The following TAFA5 variants were observed in gnomAD, a reference collection of about 807,000 sequenced individuals.
TAFA5 encodes the protein TAFA chemokine like family member 5.
TAFA5 carries 6 observed loss-of-function variants against 15.3 expected under a neutral mutation model. The ratio of observed to expected loss-of-function variants is 0.39; its 90% CI spans 0.21 to 0.77. TAFA5 has a LOEUF of 0.77. Among genes scored for constraint, TAFA5 ranks in the 30% least tolerant of loss-of-function variants. The probability of loss-of-function intolerance (pLI) is 0.41; values close to 1 mark genes in which losing one functional copy is unlikely to be tolerated. For synonymous variants in TAFA5, 103 were observed against 80.7 expected, an observed-to-expected ratio of 1.28 and a Z score of -1.48; for missense variants, 161 against 193.1, an observed-to-expected ratio of 0.83 and a Z score of 0.98.
intron 2 of TAFA5, among the ~76,000 whole-genome samples, chr22:48,666,548 C>T (rs1462371099): frequency 6.6e-6 from 1 of 152,200 alleles, no homozygotes; most frequent in African/African-American, 2.4e-5. Context: ...TACTGAGACC[C>T]GTGACCAGTC....
chr22:48,512,943 A>AAG (rs72317049), intron 1 of TAFA5, among the ~76,000 whole-genome samples: 1,857 of 115,764 alleles, frequency 0.016, 58 homozygotes, highest in Middle Eastern at 0.043. Context: ...AAAAAAAAAA[A>AAG]AGAGAGAGAG....
intron 1 of TAFA5, chr22:48,576,456 G>C: frequency 7.2e-7 from 1 of 1,392,766 alleles, no homozygotes; most frequent in East Asian, 3.0e-5. Flanking sequence ...GACTTCGGGG[G>C]CGTCGGCCGA....
At chr22:48,737,895 T>A (rs563297616) in intron 3 of TAFA5, among the ~76,000 whole-genome samples, 30 of 152,028 alleles carry the variant, frequency 2.0e-4, no homozygotes, top group Non-Finnish European at 2.8e-4. Flanking sequence ...GAGCGTGAGA[T>A]GCTGAGTGAT....
intron 2 of TAFA5, among the ~76,000 whole-genome samples, chr22:48,697,917 G>T (rs1928769663): frequency 1.9e-5 from 2 of 106,420 alleles, no homozygotes; most frequent in Admixed American, 1.7e-4. Context: ...ACAATATGAT[G>T]ATGGTGGTGG....
intron 1 of TAFA5, among the ~76,000 whole-genome samples, chr22:48,632,955 C>A (rs748674014): frequency 1.6e-4 from 25 of 152,328 alleles, no homozygotes; most frequent in Admixed American, 4.6e-4. Context: ...CGGCTGCAGG[C>A]GTGCACTTCC....
At chr22:48,611,437 G>A (rs146410879) in intron 1 of TAFA5, among the ~76,000 whole-genome samples, 1 of 152,354 alleles carries the variant, frequency 6.6e-6, no homozygotes, top group Non-Finnish European at 1.5e-5. Context: ...TGGGGCAGCA[G>A]ACACAGCCAC....
rs566415054 is a variant in TAFA5 at position 48,608,298 on chromosome 22, C to T, written c.113-38299C>T. 2.6e-5 allele frequency among the ~76,000 whole-genome samples: 4 copies of T among 152,356 alleles called. No homozygotes were observed. In the East Asian group the frequency reaches 5.8e-4, roughly 22 times the overall value. On this transcript the variant is annotated intron_variant, in intron 1 of 3. Coordinates refer to ENST00000402357, the MANE Select transcript of TAFA5 (RefSeq NM_001082967.3). ...CTCCTGTTTTCTCGCTATCCAGCAC[C>T]GTAGCCATCAGCCATATTCACGATA...
chr22:48,578,548 T>C lies in TAFA5; in HGVS notation c.113-68049T>C, dbSNP rs185890106. On this transcript the variant is annotated intron_variant, in intron 1 of 3. Transcript: ENST00000402357. The stretch of plus-strand genomic sequence containing the variant: ...TTACCTTGAAGCAGACACACGTGTG[T>C]CGGTGTTGTGGAAGACGGCGCAGTC... Among the ~76,000 whole-genome samples, 71 of 152,272 alleles carry C rather than the reference T, an allele frequency of 4.7e-4. 2 individuals carry two copies. In the East Asian group the frequency reaches 0.014, roughly 29 times the overall value.
intron 1 of TAFA5, among the ~76,000 whole-genome samples, chr22:48,588,065 A>G (rs930892027): frequency 1.3e-5 from 2 of 152,140 alleles, no homozygotes; most frequent in African/African-American, 4.8e-5. Context: ...ATCTGTGCAT[A>G]ATGGGGGCTC....
At position 48,688,584 on chromosome 22, in the gene TAFA5, G is replaced by A. The variant is rs190643391; in HGVS notation, c.263-19133G>A. 3.1e-3 allele frequency among the ~76,000 whole-genome samples: 468 copies of A among 152,290 alleles called. 2 individuals are homozygous for A. Among genetic ancestry groups the A allele is most frequent in the Admixed American group, 7.5e-3 (115 of 15,292 alleles). The stretch of plus-strand genomic sequence containing the variant: ...AACTCCCCCTGGCTGCTCGGGGGAC[G>A]GTGGCTTTCCCTGGCCGGCTCCTCC... On this transcript the variant is annotated intron_variant, in intron 2 of 3. Coordinates refer to ENST00000402357, the MANE Select transcript of TAFA5 (RefSeq NM_001082967.3).
At chr22:48,614,530 C>G (rs1195572668) in intron 1 of TAFA5, among the ~76,000 whole-genome samples, 1 of 152,176 alleles carries the variant, frequency 6.6e-6, no homozygotes, top group African/African-American at 2.4e-5. Flanking sequence ...CAGGAGGACC[C>G]CGGGCAGGAG....
At chr22:48,702,416 G>A (rs1293630592) in intron 2 of TAFA5, among the ~76,000 whole-genome samples, 1 of 152,034 alleles carries the variant, frequency 6.6e-6, no homozygotes, top group African/African-American at 2.4e-5. Context: ...ACTCTGAGAC[G>A]CACTCCTATG....
chr22:48,717,132 C>T (rs1389845428), intron 3 of TAFA5, among the ~76,000 whole-genome samples: 3 of 152,212 alleles, frequency 2.0e-5, no homozygotes, highest in Admixed American at 6.5e-5. Flanking sequence ...TTTCAGACCA[C>T]GGGAGATGAA....
chr22:48,639,115 A>G (rs1224075056), intron 1 of TAFA5, among the ~76,000 whole-genome samples: 1 of 152,188 alleles, frequency 6.6e-6, no homozygotes, highest in East Asian at 1.9e-4. Flanking sequence ...CAGGCTGAGG[A>G]CACCCCATTG....
chr22:48,559,800 G>A (rs1037011301), intron 1 of TAFA5, among the ~76,000 whole-genome samples: 7 of 152,168 alleles, frequency 4.6e-5, no homozygotes, highest in African/African-American at 1.7e-4. Context: ...ACCCAGAGGC[G>A]GAGCGCGGCG....
At position 48,670,768 on chromosome 22, in the gene TAFA5, C is replaced by G. The variant is rs115525597; in HGVS notation, c.262+24022C>G. Among the ~76,000 whole-genome samples, 727 of 152,290 alleles carry G rather than the reference C, an allele frequency of 4.8e-3. 6 individuals carry two copies. The highest frequency in any genetic ancestry group is 0.017 in the African/African-American group (692 of 41,558). On this transcript the variant is annotated intron_variant, in intron 2 of 3. Coordinates refer to ENST00000402357, the MANE Select transcript of TAFA5 (RefSeq NM_001082967.3). Reference sequence around the variant, plus strand: ...ATGGCCTGAAGGCGAGAAAGCACCTCCTCAGTTGTGTGAGGGCAATTTTAC... The same window carrying G: ...ATGGCCTGAAGGCGAGAAAGCACCTGCTCAGTTGTGTGAGGGCAATTTTAC...
chr22:48,621,795 G>A (rs1380737189), intron 1 of TAFA5, among the ~76,000 whole-genome samples: 2 of 152,134 alleles, frequency 1.3e-5, no homozygotes, highest in Admixed American at 6.5e-5. Flanking sequence ...AGTGGTGGCC[G>A]AGGCCCTGTG....
chr22:48,614,309 G>A (rs899755427), intron 1 of TAFA5, among the ~76,000 whole-genome samples: 23 of 152,234 alleles, frequency 1.5e-4, no homozygotes, highest in African/African-American at 4.1e-4. Context: ...TGTTTATGCC[G>A]TGTGTGGGTT....
chr22:48,610,856 G>A (rs28736560), intron 1 of TAFA5, among the ~76,000 whole-genome samples: 8,417 of 152,244 alleles, frequency 0.055, 312 homozygotes, highest in Middle Eastern at 0.075. Flanking sequence ...AGACTGTGGT[G>A]GGACACGAGA....
Sources: gnomAD v4.1 joint callset for allele counts (sites outside exome capture counted in the v4.1 genomes callset) on GRCh38, gnomAD v4.1.1 for gene constraint, MANE v1.5 for transcripts, NCBI Gene and HGNC (gene_info 2026-07-23, HGNC 2026-07-21) for gene names.